Variants in DMRT1 observed in about 807,000 individuals in gnomAD.
The protein encoded by DMRT1 is doublesex and mab-3 related transcription factor 1.
A neutral mutation model predicts 32.3 loss-of-function variants in DMRT1; 7 were observed. The ratio of observed to expected loss-of-function variants is 0.22; its 90% CI spans 0.12 to 0.41. DMRT1 has a LOEUF of 0.41. Among genes scored for constraint, DMRT1 ranks in the 10% least tolerant of loss-of-function variants. The pLI, the probability that DMRT1 is intolerant of heterozygous loss-of-function variation, is 1.00. For synonymous variants in DMRT1, 278 were observed against 206.1 expected, an observed-to-expected ratio of 1.35 and a Z score of -2.99; for missense variants, 625 against 500.5, an observed-to-expected ratio of 1.25 and a Z score of -2.37.
At position 965,071 on chromosome 9, in the gene DMRT1, A is replaced by G. The variant is rs1196607780; in HGVS notation, c.968-2914A>G. Among the ~76,000 whole-genome samples, 1 of 152,222 alleles carries G rather than the reference A, an allele frequency of 6.6e-6. No homozygotes were observed. The highest frequency in any genetic ancestry group is 6.5e-5 in the Admixed American group (1 of 15,280). On this transcript the variant is annotated intron_variant, in intron 4 of 4. Coordinates refer to ENST00000382276, the MANE Select transcript of DMRT1 (RefSeq NM_021951.3). This position sits in a 1 kb window ranked among gnomAD's most constrained non-coding sequence, Gnocchi z 4.5. ...GGTCAACTATTAGCCTTCTCCTTCC[A>G]AAAGTTTAAGGAAGCTGCATTAAAA...
At chr9:902,577 C>T (rs1435691716) in intron 3 of DMRT1, among the ~76,000 whole-genome samples, 1 of 151,568 alleles carries the variant, frequency 6.6e-6, no homozygotes, top group African/African-American at 2.4e-5. Flanking sequence ...CAACCTCTGC[C>T]TCCCGGGTTC....
intron 3 of DMRT1, among the ~76,000 whole-genome samples, chr9:896,386 C>G (rs546611010): frequency 6.8e-6 from 1 of 147,246 alleles, no homozygotes; most frequent in East Asian, 2.1e-4. Flanking sequence ...TCAAGTGATT[C>G]TCCTGCCTCA....
intron 2 of DMRT1, among the ~76,000 whole-genome samples, chr9:861,591 G>A (rs1327903750): frequency 2.0e-5 from 3 of 150,270 alleles, no homozygotes; most frequent in African/African-American, 5.1e-5. Flanking sequence ...CCTCCCAGAC[G>A]GGGTGGCGGC....
chr9:847,159 TG>T lies in DMRT1; in HGVS notation c.538+20del, dbSNP rs1292473262. On this transcript the variant is annotated intron_variant, in intron 2 of 4. Coordinates refer to ENST00000382276, the MANE Select transcript of DMRT1 (RefSeq NM_021951.3). ...GCAGCTTCAGGTAATCTGGAGGGGCTGGGGTTCACATGGAGGCTGGGCATGA... is the reference window on the plus strand; with the variant it reads ...GCAGCTTCAGGTAATCTGGAGGGGCTGGGTTCACATGGAGGCTGGGCATGA... The T allele has an allele frequency of 6.2e-7, 1 of 1,610,894 alleles. No homozygotes were observed. Among genetic ancestry groups the T allele is most frequent in the African/African-American group, 1.3e-5 (1 of 74,966 alleles).
At chr9:868,599 C>T (rs1040362347) in intron 2 of DMRT1, among the ~76,000 whole-genome samples, 1 of 152,210 alleles carries the variant, frequency 6.6e-6, no homozygotes, top group Admixed American at 6.5e-5. Flanking sequence ...TGTCTTGGGC[C>T]ATTGTACCTC....
At chr9:902,141 C>G (rs1198724418) in intron 3 of DMRT1, among the ~76,000 whole-genome samples, 1 of 151,464 alleles carries the variant, frequency 6.6e-6, no homozygotes, top group Non-Finnish European at 1.5e-5. Flanking sequence ...AACTCCTGAC[C>G]TCAGGTGATC....
intron 2 of DMRT1, among the ~76,000 whole-genome samples, chr9:886,940 A>C (rs1816954253): frequency 6.6e-6 from 1 of 152,194 alleles, no homozygotes; most frequent in Non-Finnish European, 1.5e-5. Flanking sequence ...ATTCCTTCTG[A>C]AGCTGCTTAT....
At chr9:861,994 A>C (rs1465773681) in intron 2 of DMRT1, among the ~76,000 whole-genome samples, 1 of 143,998 alleles carries the variant, frequency 6.9e-6, no homozygotes, top group Non-Finnish European at 1.5e-5. Context: ...GACGGCCGGG[A>C]AGAGGTGCTC....
intron 4 of DMRT1, among the ~76,000 whole-genome samples, chr9:966,878 C>G (rs1203920668): frequency 1.3e-5 from 2 of 152,220 alleles, no homozygotes; most frequent in East Asian, 3.8e-4. Flanking sequence ...CAGCACTCAG[C>G]TCCCAATGCA....
At chr9:941,071 CTATTG>C (rs1001541256) in intron 4 of DMRT1, among the ~76,000 whole-genome samples, 1 of 152,136 alleles carries the variant, frequency 6.6e-6, no homozygotes, top group Admixed American at 6.5e-5. Context: ...CCCTTGGGCA[CTATTG>C]GTGGGAATGT....
chr9:942,066 T>C (rs1259811532), intron 4 of DMRT1, among the ~76,000 whole-genome samples: 1 of 152,214 alleles, frequency 6.6e-6, no homozygotes, highest in Non-Finnish European at 1.5e-5. Flanking sequence ...TCTTCCTTTA[T>C]TCTCTGGGAC....
chr9:904,658 C>T (rs1284148181), intron 3 of DMRT1, among the ~76,000 whole-genome samples: 3 of 152,098 alleles, frequency 2.0e-5, no homozygotes, highest in East Asian at 1.9e-4. Flanking sequence ...TCAAAAGACC[C>T]ATGTGGCCGG....
At chr9:901,368 C>T (rs1313364999) in intron 3 of DMRT1, among the ~76,000 whole-genome samples, 2 of 151,746 alleles carry the variant, frequency 1.3e-5, no homozygotes, top group African/African-American at 4.8e-5. Context: ...ACTCTGTTGC[C>T]CAGGCTAGAG....
chr9:890,769 C>T (rs1817114229), intron 2 of DMRT1, among the ~76,000 whole-genome samples: 1 of 152,178 alleles, frequency 6.6e-6, no homozygotes, highest in Admixed American at 6.5e-5. Context: ...GGCTGGAGTG[C>T]AGTGACGCGA....
At chr9:936,122 A>C (rs377015957) in intron 4 of DMRT1, among the ~76,000 whole-genome samples, 32 of 152,308 alleles carry the variant, frequency 2.1e-4, no homozygotes, top group African/African-American at 6.7e-4. Flanking sequence ...GAAGAAAGTG[A>C]ATTTTGTAAA....
At chr9:925,682 A>G (rs907565734) in intron 4 of DMRT1, among the ~76,000 whole-genome samples, 3 of 152,068 alleles carry the variant, frequency 2.0e-5, no homozygotes, top group Non-Finnish European at 2.9e-5. Flanking sequence ...TCCCTTACAA[A>G]CACACGTGCA....
Position 916,884 on chromosome 9 carries a change from C to T in DMRT1, c.944C>T (p.Ser315Phe). Residue 315 changes from serine (S) to phenylalanine (F), a missense_variant, in exon 4 of 5, where the codon TCT (serine) becomes TTT (phenylalanine). Physicochemically the swap from Ser to Phe is radical, Grantham distance 155 (BLOSUM62 -2). Around this residue, in one of 3 missense-constraint regions of DMRT1, gnomAD observed 416 missense variants for 321.6 expected, o/e 1.29. Transcript: ENST00000382276. ...PQFFTFEDAP[S>F]YPEARASVFS... ...TTCTTCACTTTTGAGGATGCTCCCT[C>T]TTACCCGGAAGCCAGGGCGAGCGGT... 6.2e-7 allele frequency: 1 copy of T among 1,614,186 alleles called. No homozygotes were observed. Among genetic ancestry groups the T allele is most frequent in the Non-Finnish European group, 8.5e-7 (1 of 1,180,042 alleles).
At chr9:941,994 T>G (rs757018565) in intron 4 of DMRT1, among the ~76,000 whole-genome samples, 10 of 152,176 alleles carry the variant, frequency 6.6e-5, no homozygotes, top group Non-Finnish European at 7.3e-5. Flanking sequence ...CTATCCCAGT[T>G]TGTGGTATCC....
At chr9:865,407 G>A (rs1230526779) in intron 2 of DMRT1, among the ~76,000 whole-genome samples, 1 of 151,898 alleles carries the variant, frequency 6.6e-6, no homozygotes, top group African/African-American at 2.4e-5. Context: ...AATTGTTAGA[G>A]TGCTCATTTT....
Sources: gnomAD v4.1 joint callset for allele counts (sites outside exome capture counted in the v4.1 genomes callset) on GRCh38, gnomAD v4.1.1 for gene constraint, gnomAD v4.1.1 regional missense constraint, Gnocchi (gnomAD v3.1) non-coding constraint, MANE v1.5 for transcripts, NCBI Gene and HGNC (gene_info 2026-07-23, HGNC 2026-07-21) for gene names.